Variants in KCNH8 observed in about 807,000 individuals in gnomAD.
The protein encoded by KCNH8 is voltage-gated delayed rectifier potassium channel KCNH8.
A neutral mutation model predicts 103.6 loss-of-function variants in KCNH8; 70 were observed. That is an observed-to-expected ratio of 0.68 (90% CI 0.56 to 0.82). The LOEUF (loss-of-function observed/expected upper bound fraction) is 0.82. KCNH8 is among the 40% of genes least tolerant of loss of function. The pLI, the probability that KCNH8 is intolerant of heterozygous loss-of-function variation, is 0.00. For synonymous variants in KCNH8, 498 were observed against 489.4 expected (o/e 1.02, Z -0.23); for missense variants, 1,217 against 1,329.9 (o/e 0.92, Z 1.32).
intron 2 of KCNH8, among the ~76,000 whole-genome samples, chr3:19,268,918 G>A (rs1293178556): frequency 6.6e-6 from 1 of 152,058 alleles, no homozygotes; most frequent in Admixed American, 6.6e-5. Context: ...ACAAGATTTG[G>A]CAATATCTTT....
At chr3:19,246,274 GTTTTT>G (rs920423108) in intron 1 of KCNH8, among the ~76,000 whole-genome samples, 1 of 86,346 alleles carries the variant, frequency 1.2e-5, no homozygotes, top group Middle Eastern at 0.013. Context: ...TGTTGTTGTT[GTTTTT>G]TTTTTTTTTT....
chr3:19,153,276 T>C (rs1007017754), intron 1 of KCNH8, among the ~76,000 whole-genome samples: 4 of 152,228 alleles, frequency 2.6e-5, no homozygotes, highest in African/African-American at 9.6e-5. Flanking sequence ...AAAGTTGTAT[T>C]GCACAGTCTT....
rs1018156190 is a variant in KCNH8, at chr3:19,535,019, G to T, written c.*920G>T. ...CATGGGGATAGAGAGGCTCCATCTA[G>T]GCTCTGCCAACTCATGTCAATGACA... On this transcript the variant is annotated 3_prime_UTR_variant, in exon 16 of 16. Coordinates refer to ENST00000328405, the MANE Select transcript of KCNH8 (RefSeq NM_144633.3). 3.3e-5 allele frequency: 5 copies of T among 152,140 alleles called. No individual in the cohort carries two copies. The highest frequency in any genetic ancestry group is 1.2e-4 in the African/African-American group (5 of 41,428). The allele number at this position is 152,140 out of a possible 1,614,324, so 9.4% of individuals were successfully genotyped here.
In KCNH8 at chr3:19,524,094, G is replaced by A. The variant is rs185459219; in HGVS notation, c.2619+6020G>A. Among the ~76,000 whole-genome samples, 5 of 151,888 alleles carry A rather than the reference G, an allele frequency of 3.3e-5. No homozygotes were observed. The East Asian group carries it at 9.7e-4, about 29-fold the overall frequency. The stretch of plus-strand genomic sequence containing the variant: ...AGGATACTACTAATATTTCACATAA[G>A]GAAACCTGCATGAGTAATATCTTAA... On this transcript the variant is annotated intron_variant, in intron 15 of 15. Coordinates refer to ENST00000328405, the MANE Select transcript of KCNH8 (RefSeq NM_144633.3).
intron 8 of KCNH8, among the ~76,000 whole-genome samples, chr3:19,438,618 T>C (rs749154366): frequency 6.6e-6 from 1 of 152,198 alleles, no homozygotes; most frequent in Admixed American, 6.5e-5. Context: ...GCTCCTCTTA[T>C]GTAGAATCAT....
chr3:19,231,684 C>T (rs571046529), intron 1 of KCNH8, among the ~76,000 whole-genome samples: 36 of 152,118 alleles, frequency 2.4e-4, no homozygotes, highest in African/African-American at 8.2e-4. Flanking sequence ...TCCTTTCTAC[C>T]CCATGGTATT....
At chr3:19,184,580 G>A (rs567354293) in intron 1 of KCNH8, among the ~76,000 whole-genome samples, 142 of 151,980 alleles carry the variant, frequency 9.3e-4, no homozygotes, top group African/African-American at 2.9e-3. Flanking sequence ...ATGATATTTC[G>A]TTTTAAAATG....
intron 11 of KCNH8, among the ~76,000 whole-genome samples, chr3:19,475,503 T>C (rs2067954965): frequency 1.3e-5 from 2 of 152,202 alleles, no homozygotes; most frequent in South Asian, 4.1e-4. Context: ...AACCATTGAT[T>C]CACCCTTCTT....
intron 3 of KCNH8, among the ~76,000 whole-genome samples, chr3:19,326,901 C>A (rs1054767330): frequency 2.6e-5 from 4 of 152,168 alleles, no homozygotes; most frequent in Non-Finnish European, 5.9e-5. Flanking sequence ...TAGCTGCTAT[C>A]AGCTTGGAAC....
intron 1 of KCNH8, among the ~76,000 whole-genome samples, chr3:19,184,982 G>A (rs974409716): frequency 6.6e-6 from 1 of 151,824 alleles, no homozygotes; most frequent in African/African-American, 2.4e-5. Context: ...GCAAATAGTA[G>A]TGCATTATAT....
intron 1 of KCNH8, among the ~76,000 whole-genome samples, chr3:19,158,741 T>C (rs930341003): frequency 1.3e-5 from 2 of 151,964 alleles, no homozygotes; most frequent in Admixed American, 1.3e-4. Flanking sequence ...AACTTCTATA[T>C]GTTATTAATT....
At chr3:19,426,376 A>G (rs1437871535) in intron 7 of KCNH8, among the ~76,000 whole-genome samples, 1 of 151,980 alleles carries the variant, frequency 6.6e-6, no homozygotes, top group Admixed American at 6.6e-5. Context: ...TATAATGAAG[A>G]CATTTTTCCA....
Position 19,427,449 on chromosome 3 carries a change from A to C in KCNH8, c.1178-10715A>C, listed in dbSNP as rs144837504. On this transcript the variant is annotated intron_variant, in intron 7 of 15. Transcript: ENST00000328405. Reference sequence around the variant, plus strand: ...ATGGTATGGTTAAAATGTGATTTGAAGTTCTTAGTTTATTCAATATTTTTT... The same window carrying C: ...ATGGTATGGTTAAAATGTGATTTGACGTTCTTAGTTTATTCAATATTTTTT... Among the ~76,000 whole-genome samples the C allele has an allele frequency of 4.0e-3, 616 of 152,334 alleles. 5 individuals carry two copies. Among genetic ancestry groups the C allele is most frequent in the African/African-American group, 0.014 (580 of 41,570 alleles).
chr3:19,245,680 T>G (rs1483329582), intron 1 of KCNH8, among the ~76,000 whole-genome samples: 2 of 152,218 alleles, frequency 1.3e-5, no homozygotes, highest in Admixed American at 6.5e-5. Flanking sequence ...GTTGTATTCA[T>G]GGGTATTTTA....
intron 1 of KCNH8, among the ~76,000 whole-genome samples, chr3:19,215,027 C>A (rs545580308): frequency 6.6e-6 from 1 of 152,302 alleles, no homozygotes; most frequent in South Asian, 2.1e-4. Context: ...TTCATGGAGG[C>A]TTACACATAC....
chr3:19,443,875 A>G (rs1279672516), intron 8 of KCNH8, among the ~76,000 whole-genome samples: 1 of 152,142 alleles, frequency 6.6e-6, no homozygotes, highest in Non-Finnish European at 1.5e-5. Flanking sequence ...ATTACAAAAC[A>G]TTAGTGAGAA....
chr3:19,379,024 T>G (rs183088573), intron 5 of KCNH8, among the ~76,000 whole-genome samples: 1 of 151,240 alleles, frequency 6.6e-6, no homozygotes, highest in Admixed American at 6.6e-5. Flanking sequence ...AGGTACCACA[T>G]AAAAGTAAGA....
intron 11 of KCNH8, among the ~76,000 whole-genome samples, chr3:19,506,678 AGCTT>A (rs1427501319): frequency 6.6e-6 from 1 of 152,034 alleles, no homozygotes; most frequent in African/African-American, 2.4e-5. Flanking sequence ...TGGCCTCCTT[AGCTT>A]GGAGACAGCA....
At chr3:19,379,689 A>G (rs978332342) in intron 5 of KCNH8, among the ~76,000 whole-genome samples, 6 of 152,214 alleles carry the variant, frequency 3.9e-5, no homozygotes, top group Admixed American at 2.6e-4. Flanking sequence ...AGAATTCATC[A>G]AAACCACCCC....
Sources: allele counts gnomAD v4.1 joint callset (sites outside exome capture counted in the v4.1 genomes callset), GRCh38; gene constraint gnomAD v4.1.1; transcripts MANE v1.5; gene names NCBI Gene and HGNC (gene_info 2026-07-23, HGNC 2026-07-21).